The following UBE2E2 variants were observed in gnomAD, a reference collection of about 807,000 sequenced individuals.
UBE2E2 encodes the protein ubiquitin-conjugating enzyme E2 E2.
UBE2E2 carries 6 observed loss-of-function variants against 24.7 expected under a neutral mutation model. That is an observed-to-expected ratio of 0.24 (90% CI 0.13 to 0.48). The LOEUF (loss-of-function observed/expected upper bound fraction) is 0.48, where lower values mean the gene tolerates loss of function less well. UBE2E2 is among the 20% of genes least tolerant of loss of function. UBE2E2 has a pLI of 0.99. For synonymous variants in UBE2E2, 104 were observed against 83.6 expected (o/e 1.24, Z -1.33); for missense variants, 169 against 245.0 (o/e 0.69, Z 2.07).
rs550805589 is a variant in UBE2E2 at position 23,302,909 on chromosome 3, T to G, written c.227+85597T>G. Among the ~76,000 whole-genome samples, 54 of 152,318 alleles carry G rather than the reference T, an allele frequency of 3.5e-4. 1 individual carries two copies. The South Asian group carries it at 8.1e-3, about 23-fold the overall frequency. ...TGCTTCCCCTAATTTTTCTCCTTTG[T>G]GTTGATTTTAAAACAATGAAACACA... is the stretch of plus-strand genomic sequence containing the variant. On this transcript the variant is annotated intron_variant, in intron 3 of 5. Transcript: ENST00000396703.
chr3:23,297,296 A>G (rs1383816012), intron 3 of UBE2E2, among the ~76,000 whole-genome samples: 4 of 151,848 alleles, frequency 2.6e-5, no homozygotes, highest in Admixed American at 2.6e-4. Flanking sequence ...TTTGCTGTGC[A>G]GAAGCTCTTT....
chr3:23,542,944 T>C (rs1179545428), intron 5 of UBE2E2, among the ~76,000 whole-genome samples: 2 of 152,206 alleles, frequency 1.3e-5, no homozygotes, highest in African/African-American at 4.8e-5. Flanking sequence ...AATGTCGACA[T>C]GGATTAGCTG....
intron 3 of UBE2E2, among the ~76,000 whole-genome samples, chr3:23,402,504 G>C (rs940360409): frequency 6.6e-6 from 1 of 152,162 alleles, no homozygotes; most frequent in Non-Finnish European, 1.5e-5. Flanking sequence ...TTTAGAAATT[G>C]TTTTAAGAAC....
chr3:23,267,880 G>A (rs1239902537), intron 3 of UBE2E2, among the ~76,000 whole-genome samples: 1 of 150,272 alleles, frequency 6.7e-6, no homozygotes, highest in East Asian at 1.9e-4. Flanking sequence ...CTTCATCCCT[G>A]GGATGCAAGG....
At chr3:23,455,551 T>A (rs1166308047) in intron 3 of UBE2E2, among the ~76,000 whole-genome samples, 4 of 152,022 alleles carry the variant, frequency 2.6e-5, no homozygotes, top group African/African-American at 9.7e-5. Flanking sequence ...GACCCCCATT[T>A]CTACAAAAAA....
chr3:23,588,231 G>A (rs1696670331), intron 5 of UBE2E2, among the ~76,000 whole-genome samples: 1 of 151,982 alleles, frequency 6.6e-6, no homozygotes, highest in South Asian at 2.1e-4. Context: ...TTCCCTAGTG[G>A]ATCCTCCTTA....
chr3:23,488,633 T>C (rs1403310106), intron 3 of UBE2E2, among the ~76,000 whole-genome samples: 1 of 152,168 alleles, frequency 6.6e-6, no homozygotes, highest in East Asian at 1.9e-4. Context: ...AGTGGTAACA[T>C]TTTTGAGAAT....
rs1055075099 is a variant in UBE2E2 at position 23,280,532 on chromosome 3, G to A, written c.227+63220G>A. Among the ~76,000 whole-genome samples the A allele has an allele frequency of 5.9e-5, 9 of 152,116 alleles. No individual in the cohort carries two copies. Among genetic ancestry groups the A allele is most frequent in the African/African-American group, 2.2e-4 (9 of 41,418 alleles). The stretch of plus-strand genomic sequence containing the variant: ...CCTTCTTTTTTCCCATCCGTGGCTG[G>A]CAGTTGACAGTGTTGAGGTTGTCCT... On this transcript the variant is annotated intron_variant, in intron 3 of 5. Transcript: ENST00000396703. This position sits in a 1 kb window ranked among gnomAD's most constrained non-coding sequence, Gnocchi z 4.3.
At chr3:23,560,124 A>G (rs1306376823) in intron 5 of UBE2E2, among the ~76,000 whole-genome samples, 1 of 151,946 alleles carries the variant, frequency 6.6e-6, no homozygotes, top group Non-Finnish European at 1.5e-5. Flanking sequence ...GGTTTGTTAC[A>G]TATATATACA....
intron 5 of UBE2E2, among the ~76,000 whole-genome samples, chr3:23,565,119 G>T (rs1047614408): frequency 2.6e-5 from 4 of 152,088 alleles, no homozygotes; most frequent in African/African-American, 9.7e-5. Flanking sequence ...TTTTGTGTCA[G>T]TTTCATTTAT....
intron 3 of UBE2E2, among the ~76,000 whole-genome samples, chr3:23,302,818 T>A (rs1331891423): frequency 1.3e-5 from 2 of 152,262 alleles, no homozygotes; most frequent in East Asian, 1.9e-4. Flanking sequence ...AAAAACGGAC[T>A]GCAGTCCTGC....
intron 5 of UBE2E2, among the ~76,000 whole-genome samples, chr3:23,576,074 G>A (rs1458678068): frequency 1.3e-5 from 2 of 152,042 alleles, no homozygotes; most frequent in African/African-American, 4.8e-5. Flanking sequence ...AGGTGGAAGG[G>A]GGTATTGAGT....
intron 3 of UBE2E2, among the ~76,000 whole-genome samples, chr3:23,488,041 T>C (rs573404562): frequency 2.0e-5 from 3 of 151,918 alleles, no homozygotes; most frequent in Non-Finnish European, 4.4e-5. Context: ...TTTTTAGGAA[T>C]AAACTAGACA....
intron 3 of UBE2E2, among the ~76,000 whole-genome samples, chr3:23,334,190 C>T (rs1256839442): frequency 6.6e-6 from 1 of 152,014 alleles, no homozygotes; most frequent in Admixed American, 6.6e-5. Flanking sequence ...AATGGCAAAA[C>T]CTCGTAGTAA....
At chr3:23,579,651 G>C (rs1696431185) in intron 5 of UBE2E2, among the ~76,000 whole-genome samples, 1 of 151,212 alleles carries the variant, frequency 6.6e-6, no homozygotes, top group Non-Finnish European at 1.5e-5. Flanking sequence ...AGTGAACTAC[G>C]ATCGTACCAC....
chr3:23,332,483 A>T, intron 3 of UBE2E2, among the ~76,000 whole-genome samples: 1 of 152,182 alleles, frequency 6.6e-6, no homozygotes, highest in Non-Finnish European at 1.5e-5. Flanking sequence ...AAATAAAGAT[A>T]AATCACTGGG....
intron 5 of UBE2E2, among the ~76,000 whole-genome samples, chr3:23,586,813 C>T (rs1696636849): frequency 6.6e-6 from 1 of 151,862 alleles, no homozygotes; most frequent in Non-Finnish European, 1.5e-5. Flanking sequence ...TGAAGTAGAT[C>T]TACAATTATC....
In UBE2E2 at chr3:23,220,974, A is replaced by G. The variant is rs77005565; in HGVS notation, c.227+3662A>G. 3.6e-3 allele frequency among the ~76,000 whole-genome samples: 555 copies of G among 152,342 alleles called. 4 individuals are homozygous for G. Among genetic ancestry groups the G allele is most frequent in the African/African-American group, 0.013 (530 of 41,582 alleles). Reference sequence around the variant, plus strand: ...AAAAATTAAAATTAAAATCGTCATCATCCAAAGGATAACTTGCTCCTCTGT... The same window carrying G: ...AAAAATTAAAATTAAAATCGTCATCGTCCAAAGGATAACTTGCTCCTCTGT... On this transcript the variant is annotated intron_variant, in intron 3 of 5. Coordinates refer to ENST00000396703, the MANE Select transcript of UBE2E2 (RefSeq NM_152653.4).
Position 23,542,559 on chromosome 3 carries a change from GGAGA to G in UBE2E2, c.508+9864_508+9867del, listed in dbSNP as rs562647331. ...TGTGTATCTTCATAGTATTCATGGT[GGAGA>G]GAGAGTGTTTTCAGGTGAAAAAGAA... On this transcript the variant is annotated intron_variant, in intron 5 of 5. Transcript: ENST00000396703. Among the ~76,000 whole-genome samples, 33 of 152,212 alleles carry G rather than the reference GGAGA, an allele frequency of 2.2e-4. No homozygotes were observed. The East Asian group carries it at 2.9e-3, about 13-fold the overall frequency.
Sources: allele counts gnomAD v4.1 joint callset (sites outside exome capture counted in the v4.1 genomes callset), GRCh38; gene constraint gnomAD v4.1.1; non-coding constraint Gnocchi (gnomAD v3.1); transcripts MANE v1.5; gene names NCBI Gene and HGNC (gene_info 2026-07-23, HGNC 2026-07-21).